Variants in CNTN5 observed in about 807,000 individuals in gnomAD.
CNTN5 encodes contactin 5, also known as contactin-5.
A neutral mutation model predicts 129.1 loss-of-function variants in CNTN5; 77 were observed. The observed-to-expected ratio is 0.60, with a 90% CI of 0.50 to 0.72. The LOEUF is 0.72. CNTN5 is among the 30% of genes least tolerant of loss of function. The pLI, the probability that CNTN5 is intolerant of heterozygous loss-of-function variation, is 0.00. For missense variants in CNTN5, 1,478 were observed against 1,328.8 expected (o/e 1.11, Z -1.75); for synonymous variants, 509 against 465.6 (o/e 1.09, Z -1.20).
At chr11:99,968,417 A>G (rs1591498659) in intron 8 of CNTN5, among the ~76,000 whole-genome samples, 2 of 152,110 alleles carry the variant, frequency 1.3e-5, no homozygotes, top group East Asian at 3.9e-4. Context: ...ATGTATGTGT[A>G]GATAACATGT....
At chr11:99,307,398 T>A (rs2135960069) in intron 1 of CNTN5, among the ~76,000 whole-genome samples, 1 of 152,304 alleles carries the variant, frequency 6.6e-6, no homozygotes, top group African/African-American at 2.4e-5. Flanking sequence ...TAAGACAAGA[T>A]GACACTTGTT....
At chr11:99,143,324 A>ATATT (rs993883310) in intron 1 of CNTN5, among the ~76,000 whole-genome samples, 14 of 139,118 alleles carry the variant, frequency 1.0e-4, no homozygotes, top group African/African-American at 3.3e-4. Context: ...ATTTTAAAAT[A>ATATT]TGTAATATAT....
intron 3 of CNTN5, among the ~76,000 whole-genome samples, chr11:99,602,353 T>C (rs993425794): frequency 2.0e-5 from 3 of 152,164 alleles, no homozygotes; most frequent in African/African-American, 7.2e-5. Context: ...TAGTACTTGT[T>C]AACTTAGTGA....
intron 6 of CNTN5, among the ~76,000 whole-genome samples, chr11:99,895,553 A>G (rs917678127): frequency 1.4e-4 from 21 of 152,190 alleles, no homozygotes; most frequent in African/African-American, 5.1e-4. Flanking sequence ...CAGGACCCAC[A>G]TAGAGCAGAG....
At chr11:99,509,806 T>G (rs1350373023) in intron 2 of CNTN5, among the ~76,000 whole-genome samples, 2 of 152,022 alleles carry the variant, frequency 1.3e-5, no homozygotes, top group African/African-American at 4.8e-5. Context: ...ATTAATGTTA[T>G]GAATTAATTT....
intron 1 of CNTN5, among the ~76,000 whole-genome samples, chr11:99,107,667 C>G: frequency 6.6e-6 from 1 of 151,934 alleles, no homozygotes; most frequent in East Asian, 1.9e-4. Flanking sequence ...CGCAGTGGCT[C>G]ACACCTGTAA....
chr11:99,663,461 C>T (rs606249), intron 3 of CNTN5, among the ~76,000 whole-genome samples: 1 of 151,980 alleles, frequency 6.6e-6, no homozygotes. Context: ...GAGCGAGACT[C>T]CGTCTCAAAA....
chr11:99,595,642 G>T (rs1950103205), intron 3 of CNTN5, among the ~76,000 whole-genome samples: 1 of 152,006 alleles, frequency 6.6e-6, no homozygotes, highest in Non-Finnish European at 1.5e-5. Flanking sequence ...AATTACCAGT[G>T]TTTTTCTCTA....
chr11:99,119,697 T>A (rs1416790121), intron 1 of CNTN5, among the ~76,000 whole-genome samples: 2 of 152,140 alleles, frequency 1.3e-5, no homozygotes. Flanking sequence ...TTTTTAGATC[T>A]TTGAGGAATC....
intron 9 of CNTN5, among the ~76,000 whole-genome samples, chr11:100,024,030 G>A (rs1941290205): frequency 6.6e-6 from 1 of 152,132 alleles, no homozygotes; most frequent in South Asian, 2.1e-4. Flanking sequence ...ATACCAAGGA[G>A]GGTGATACAG....
chr11:99,302,980 T>G (rs184274419), intron 1 of CNTN5, among the ~76,000 whole-genome samples: 1 of 151,688 alleles, frequency 6.6e-6, no homozygotes, highest in East Asian at 1.9e-4. Context: ...TATACAACAT[T>G]GCATGTACAT....
intron 9 of CNTN5, among the ~76,000 whole-genome samples, chr11:100,014,386 C>A (rs1232594508): frequency 6.6e-6 from 1 of 152,100 alleles, no homozygotes; most frequent in East Asian, 1.9e-4. Flanking sequence ...TTTTCACAAA[C>A]ATAGTTCAAA....
intron 3 of CNTN5, among the ~76,000 whole-genome samples, chr11:99,752,632 T>C (rs1565490904): frequency 6.6e-6 from 1 of 152,228 alleles, no homozygotes; most frequent in Non-Finnish European, 1.5e-5. Flanking sequence ...CTAAAAACGA[T>C]GTTTTAAGGT....
At chr11:99,980,951 A>G (rs958581771) in intron 8 of CNTN5, among the ~76,000 whole-genome samples, 3 of 151,616 alleles carry the variant, frequency 2.0e-5, no homozygotes, top group African/African-American at 7.3e-5. Flanking sequence ...CAATATATTA[A>G]AGGGTTAATC....
chr11:100,182,588 G>C (rs1469544378), intron 13 of CNTN5, among the ~76,000 whole-genome samples: 1 of 152,016 alleles, frequency 6.6e-6, no homozygotes, highest in Non-Finnish European at 1.5e-5. Context: ...ATGCAACTGA[G>C]TAACCATTTG....
intron 2 of CNTN5, among the ~76,000 whole-genome samples, chr11:99,378,392 ACT>A (rs1940318986): frequency 6.6e-6 from 1 of 152,020 alleles, no homozygotes; most frequent in Middle Eastern, 3.2e-3. Flanking sequence ...TAACTGTCAA[ACT>A]CTGCATTAGG....
At chr11:99,772,796 A>G (rs1276377341) in intron 3 of CNTN5, among the ~76,000 whole-genome samples, 3 of 152,078 alleles carry the variant, frequency 2.0e-5, no homozygotes, top group Non-Finnish European at 4.4e-5. Flanking sequence ...TGGGGAAGAA[A>G]AGGGCAGTAC....
At chr11:99,432,464 C>CCTTTCCTTTTCTTTTCTTTT (rs1555143591) in intron 2 of CNTN5, among the ~76,000 whole-genome samples, 4 of 116,422 alleles carry the variant, frequency 3.4e-5, no homozygotes, top group South Asian at 2.8e-4. Context: ...TCTTTTCTTT[C>CCTTTCCTTTTCTTTTCTTTT]CTTTTCTTTT....
rs541038621 is a variant in CNTN5, at chr11:100,150,586, T to C, written c.1581-40540T>C. On this transcript the variant is annotated intron_variant, in intron 13 of 24. Coordinates refer to ENST00000524871, the MANE Select transcript of CNTN5 (RefSeq NM_014361.4). ...GTTATTTTTTGTGCCTTTTTTTCCC[T>C]CTCAAAACTTTTCTAATTTGGATTA... Among the ~76,000 whole-genome samples the C allele has an allele frequency of 1.6e-3, 248 of 151,928 alleles. 2 individuals are homozygous for C. The highest frequency in any genetic ancestry group is 2.4e-3 in the Non-Finnish European group (163 of 67,988).
Sources: gnomAD v4.1 joint callset for allele counts (sites outside exome capture counted in the v4.1 genomes callset) on GRCh38, gnomAD v4.1.1 for gene constraint, MANE v1.5 for transcripts, NCBI Gene and HGNC (gene_info 2026-07-23, HGNC 2026-07-21) for gene names.